The following TTC28 variants were observed in gnomAD, a reference collection of about 807,000 sequenced individuals.
TTC28 encodes the protein tetratricopeptide repeat protein 28.
A neutral mutation model predicts 198.0 loss-of-function variants in TTC28; 61 were observed. That is an observed-to-expected ratio of 0.31 (90% CI 0.25 to 0.38). TTC28 has a LOEUF of 0.38. Ranked by LOEUF, TTC28 falls within the 10% of genes least tolerant of loss-of-function variation. TTC28 has a pLI of 1.00. For missense variants in TTC28, 2,678 were observed against 3,164.0 expected, an observed-to-expected ratio of 0.85 and a Z score of 3.69; for synonymous variants, 1,171 against 1,297.8, an observed-to-expected ratio of 0.90 and a Z score of 2.10.
chr22:28,533,651 T>C (rs1006358429), intron 2 of TTC28, among the ~76,000 whole-genome samples: 7 of 152,194 alleles, frequency 4.6e-5, no homozygotes, highest in African/African-American at 1.7e-4. Flanking sequence ...GCTACCTGAC[T>C]TCAAACTATA....
At chr22:28,587,369 A>G (rs907906325) in intron 2 of TTC28, among the ~76,000 whole-genome samples, 37 of 152,308 alleles carry the variant, frequency 2.4e-4, no homozygotes, top group Non-Finnish European at 1.3e-4. Context: ...GTCTCAAAAA[A>G]TAGTAATAAT....
At chr22:28,395,552 A>T (rs1320050354) in intron 2 of TTC28, among the ~76,000 whole-genome samples, 1 of 151,484 alleles carries the variant, frequency 6.6e-6, no homozygotes, top group Non-Finnish European at 1.5e-5. Context: ...GAATGGCATA[A>T]ACCCAGGAGG....
chr22:28,661,239 G>A (rs371197793), intron 1 of TTC28, among the ~76,000 whole-genome samples: 12 of 151,982 alleles, frequency 7.9e-5, no homozygotes, highest in African/African-American at 1.2e-4. Context: ...AGTCGAGATC[G>A]TGCCATTGTA....
At chr22:28,090,073 C>A (rs1192459927) in intron 12 of TTC28, among the ~76,000 whole-genome samples, 9 of 151,738 alleles carry the variant, frequency 5.9e-5, no homozygotes, top group South Asian at 2.1e-4. Flanking sequence ...ATGTAACAAA[C>A]CTGCACGTTG....
intron 2 of TTC28, among the ~76,000 whole-genome samples, chr22:28,551,187 T>G (rs975435507): frequency 6.6e-6 from 1 of 152,030 alleles, no homozygotes; most frequent in South Asian, 2.1e-4. Context: ...CGGGAAGATA[T>G]AGAATCTCGG....
chr22:28,648,864 A>G (rs573735611), intron 1 of TTC28, among the ~76,000 whole-genome samples: 5 of 152,182 alleles, frequency 3.3e-5, no homozygotes, highest in Admixed American at 2.6e-4. Context: ...AGCCGAGATC[A>G]CGCCATTGCA....
At chr22:28,269,532 T>C (rs1027954502) in intron 5 of TTC28, among the ~76,000 whole-genome samples, 5 of 152,166 alleles carry the variant, frequency 3.3e-5, no homozygotes, top group African/African-American at 9.7e-5. Context: ...CTGACTTCTA[T>C]AACACAATGT....
intron 5 of TTC28, among the ~76,000 whole-genome samples, chr22:28,223,439 G>A (rs977368254): frequency 1.3e-5 from 2 of 152,144 alleles, no homozygotes; most frequent in Admixed American, 6.5e-5. Context: ...ATTGTTAAAC[G>A]TTTACAGGAA....
intron 1 of TTC28, among the ~76,000 whole-genome samples, chr22:28,649,955 A>G (rs1190953425): frequency 2.0e-5 from 3 of 152,140 alleles, no homozygotes; most frequent in East Asian, 1.9e-4. Flanking sequence ...GTACTGTCAC[A>G]CCTTCTTTTT....
chr22:28,215,898 G>A (rs1927356311), intron 5 of TTC28, among the ~76,000 whole-genome samples: 1 of 152,072 alleles, frequency 6.6e-6, no homozygotes, highest in Non-Finnish European at 1.5e-5. Context: ...AAATCAGAGA[G>A]AAAAAAGCCA....
rs1434612586 is a variant in TTC28, at chr22:28,679,771, G to C, written c.-48C>G. The C allele has an allele frequency of 9.6e-7, 1 of 1,040,736 alleles. No individual in the cohort carries two copies. The allele number at this position is 1,040,736 out of a possible 1,614,324, so 64.5% of individuals were successfully genotyped here. ...CCGCCTCGAGCTAACGGTCCCGCCA[G>C]CTAGGCGCGCGCGCCGGTTCCGCGC... On this transcript the variant is annotated 5_prime_UTR_variant, in exon 1 of 23. Transcript: ENST00000397906.
Position 28,442,146 on chromosome 22 carries a change from A to G in TTC28, c.382-135503T>C, listed in dbSNP as rs552390703. 1.2e-4 allele frequency among the ~76,000 whole-genome samples: 18 copies of G among 152,136 alleles called. 1 individual carries two copies. The highest frequency in any genetic ancestry group is 2.1e-4 in the Non-Finnish European group (14 of 68,000). On this transcript the variant is annotated intron_variant, in intron 2 of 22. Coordinates refer to ENST00000397906, the MANE Select transcript of TTC28 (RefSeq NM_001145418.2). Reference sequence around the variant, plus strand: ...TTTTTTCTTGAGTTCTCAACAAAGGAGCCATATTAGGAAATAATCTCGCAA... The same window carrying G: ...TTTTTTCTTGAGTTCTCAACAAAGGGGCCATATTAGGAAATAATCTCGCAA...
chr22:28,552,430 T>A (rs1200202870), intron 2 of TTC28, among the ~76,000 whole-genome samples: 3 of 152,072 alleles, frequency 2.0e-5, no homozygotes, highest in Non-Finnish European at 2.9e-5. Flanking sequence ...CACGTAAGAC[T>A]AAGCAAAAAG....
chr22:28,576,786 T>C (rs1356372694), intron 2 of TTC28, among the ~76,000 whole-genome samples: 3 of 152,100 alleles, frequency 2.0e-5, no homozygotes, highest in Admixed American at 1.3e-4. Flanking sequence ...TTGCTCATAG[T>C]AGCCTCTAAT....
At chr22:28,532,493 T>C (rs1438378192) in intron 2 of TTC28, among the ~76,000 whole-genome samples, 1 of 152,186 alleles carries the variant, frequency 6.6e-6, no homozygotes, top group Non-Finnish European at 1.5e-5. Context: ...GAGGAGCTGG[T>C]ACCATTCCTT....
At chr22:28,577,876 T>C (rs2050175804) in intron 2 of TTC28, among the ~76,000 whole-genome samples, 1 of 152,192 alleles carries the variant, frequency 6.6e-6, no homozygotes, top group African/African-American at 2.4e-5. Flanking sequence ...AGTGTGTTTC[T>C]TGTAGGTAAC....
rs34069957 is a variant in TTC28, at chr22:28,243,422, CT to C, written c.933+52775del. ...TTTCATATTTGGCTCTTTTTTTTCC[CT>C]TTTTTTTTTTCGTTTTTCTGTGTGT... On this transcript the variant is annotated intron_variant, in intron 5 of 22. Transcript: ENST00000397906. 2.3e-3 allele frequency among the ~76,000 whole-genome samples: 324 copies of C among 140,758 alleles called. 1 individual carries two copies. Among genetic ancestry groups the C allele is most frequent in the African/African-American group, 6.1e-3 (235 of 38,460 alleles). The allele number at this position is 140,758 out of a possible 152,430, so 92.3% of individuals were successfully genotyped here.
At chr22:28,439,386 A>G (rs2047578668) in intron 2 of TTC28, among the ~76,000 whole-genome samples, 1 of 152,252 alleles carries the variant, frequency 6.6e-6, no homozygotes, top group South Asian at 2.1e-4. Context: ...TGGTGCTAGT[A>G]TCTAGAAGTG....
At chr22:28,087,689 T>G (rs1022440416) in intron 12 of TTC28, among the ~76,000 whole-genome samples, 19 of 152,174 alleles carry the variant, frequency 1.2e-4, no homozygotes, top group East Asian at 7.7e-4. Flanking sequence ...AGGAAATAAA[T>G]GGTATTCAAT....
Sources: allele counts gnomAD v4.1 joint callset (sites outside exome capture counted in the v4.1 genomes callset), GRCh38; gene constraint gnomAD v4.1.1; transcripts MANE v1.5; gene names NCBI Gene and HGNC (gene_info 2026-07-23, HGNC 2026-07-21).